Variants in DCT observed in about 807,000 individuals in gnomAD.
DCT encodes the protein L-dopachrome tautomerase.
Under a neutral mutation model 53.0 loss-of-function variants are expected in DCT, and 47 were observed. That is an observed-to-expected ratio of 0.89 (90% confidence interval 0.70 to 1.13). DCT has a LOEUF of 1.13. Among genes scored for constraint, DCT ranks in the 50% most tolerant of loss-of-function variants. DCT has a pLI of 0.00. For missense variants in DCT, 669 were observed against 637.4 expected (o/e 1.05, Z -0.53); for synonymous variants, 244 against 237.0 (o/e 1.03, Z -0.27).
In DCT at chr13:94,479,101, C is replaced by T. The variant is rs570044307; in HGVS notation, c.155G>A (p.Cys52Tyr). The T allele has an allele frequency of 6.2e-7, 1 of 1,614,248 alleles. No individual in the cohort carries two copies. The change falls in exon 1 of 8, where the codon TGT (cysteine) becomes TAT (tyrosine). Residue 52 changes from cysteine (C) to tyrosine (Y), a missense_variant. Physicochemically the swap from Cys to Tyr is radical, Grantham distance 194. Transcript: ENST00000377028. ...CTGCCCCCGGCCTTGCTGAGAGCCA[C>T]AGACATTGGCCGACTCTGCACCCAG... ...PRLGAESANVCGSQQGRGQCT... is the reference protein window; with the variant it reads ...PRLGAESANVYGSQQGRGQCT...
chr13:94,530,686 C>T, the DCT span, among the ~76,000 whole-genome samples: 1 of 149,478 alleles, frequency 6.7e-6, no homozygotes, highest in Non-Finnish European at 1.5e-5. Context: ...CAATATCATC[C>T]TGAATGGGCA....
chr13:94,484,436 C>T (rs1424592055), upstream of DCT, among the ~76,000 whole-genome samples: 1 of 152,232 alleles, frequency 6.6e-6, no homozygotes, highest in Non-Finnish European at 1.5e-5. Context: ...AGATGCCTCT[C>T]ATATCCCCAT....
In DCT at chr13:94,438,443, A is replaced by T. The variant is rs890825565; in HGVS notation, c.*1455T>A. ...TCTCTGGCTTTAGCAGTCCTTTTGC[A>T]TGGGGTAAACTGGTTCTTGATGAGT... On this transcript the variant is annotated 3_prime_UTR_variant, in exon 8 of 8. Transcript: ENST00000377028. 1 of 297,354 alleles carries T rather than the reference A, an allele frequency of 3.4e-6. No homozygotes were observed. Among genetic ancestry groups the T allele is most frequent in the East Asian group, 9.6e-5 (1 of 10,382 alleles). 18.4% of individuals were successfully genotyped at this position (297,354 alleles called of 1,614,324 possible).
the DCT span, among the ~76,000 whole-genome samples, chr13:94,534,329 G>C: frequency 6.6e-6 from 1 of 152,212 alleles, no homozygotes; most frequent in African/African-American, 2.4e-5. Context: ...AGGTCAAGTC[G>C]AATGGAATGT....
the DCT span, among the ~76,000 whole-genome samples, chr13:94,489,722 C>T: frequency 6.6e-6 from 1 of 151,582 alleles, no homozygotes. Flanking sequence ...ACTGAAAAAT[C>T]CTCTCCACTG....
chr13:94,528,050 T>C, the DCT span, among the ~76,000 whole-genome samples: 1 of 152,040 alleles, frequency 6.6e-6, no homozygotes, highest in Non-Finnish European at 1.5e-5. Context: ...TGATTGAATA[T>C]CAAATTAGTG....
intron 6 of DCT, among the ~76,000 whole-genome samples, chr13:94,455,528 A>G (rs941340373): frequency 3.3e-5 from 5 of 152,182 alleles, no homozygotes; most frequent in Admixed American, 3.3e-4. Context: ...TTTTGTAAAT[A>G]ACGTTTTATT....
At chr13:94,465,966 TTTTATA>T (rs1884167017) in intron 3 of DCT, among the ~76,000 whole-genome samples, 167 bp from the exon 4 acceptor site, 1 of 94,682 alleles carries the variant, frequency 1.1e-5, no homozygotes, top group African/African-American at 4.3e-5. Context: ...TGTGTGTATA[TTTTATA>T]TATATATATA....
chr13:94,470,696 C>G (rs900139406), intron 1 of DCT, among the ~76,000 whole-genome samples: 1 of 152,162 alleles, frequency 6.6e-6, no homozygotes, highest in Non-Finnish European at 1.5e-5. Flanking sequence ...CTCACTGTCT[C>G]CCTAAATTCC....
At chr13:94,450,646 C>T (rs1305412269) in intron 6 of DCT, among the ~76,000 whole-genome samples, 1 of 152,170 alleles carries the variant, frequency 6.6e-6, no homozygotes, top group Non-Finnish European at 1.5e-5. Flanking sequence ...GCTTCTTCTT[C>T]AAGAATTAAA....
chr13:94,495,518 T>G, the DCT span, among the ~76,000 whole-genome samples: 1 of 152,172 alleles, frequency 6.6e-6, no homozygotes, highest in Non-Finnish European at 1.5e-5. Flanking sequence ...AAGCCAAAAC[T>G]TCAAATAAAA....
intron 1 of DCT, among the ~76,000 whole-genome samples, chr13:94,470,800 C>T (rs1315248613): frequency 6.6e-6 from 1 of 152,196 alleles, no homozygotes; most frequent in Non-Finnish European, 1.5e-5. Context: ...GGGTCAGTTA[C>T]TTCCTTGCAC....
intron 1 of DCT, among the ~76,000 whole-genome samples, chr13:94,474,913 A>G (rs1884975652): frequency 6.6e-6 from 1 of 152,194 alleles, no homozygotes; most frequent in Admixed American, 6.5e-5. Context: ...CCAAAGAATT[A>G]ACAACATTTG....
chr13:94,509,092 A>G, the DCT span, among the ~76,000 whole-genome samples: 2 of 152,172 alleles, frequency 1.3e-5, no homozygotes, highest in African/African-American at 2.4e-5. Context: ...GCTACCTATT[A>G]TGTTGAGTTG....
intron 2 of DCT, chr13:94,466,988 C>T (rs553410487): frequency 6.0e-6 from 1 of 167,404 alleles, no homozygotes; most frequent in African/African-American, 2.4e-5. Flanking sequence ...ATAGACTATC[C>T]AAAAGAATAG....
rs1292841483 is a variant in DCT at position 94,438,452 on chromosome 13, A to T, written c.*1446T>A. 1 of 327,772 alleles carries T rather than the reference A, an allele frequency of 3.1e-6. No homozygotes were observed. The highest frequency in any genetic ancestry group is 6.0e-6 in the Non-Finnish European group (1 of 165,944). The allele number at this position is 327,772 out of a possible 1,614,324, so 20.3% of individuals were successfully genotyped here. ...TTAGCAGTCCTTTTGCATGGGGTAAACTGGTTCTTGATGAGTCTTGCACCC... is the reference window on the plus strand; with the variant it reads ...TTAGCAGTCCTTTTGCATGGGGTAATCTGGTTCTTGATGAGTCTTGCACCC... On this transcript the variant is annotated 3_prime_UTR_variant, in exon 8 of 8. Transcript: ENST00000377028.
At position 94,444,549 on chromosome 13, in the gene DCT, A is replaced by T. The variant is rs559187966; in HGVS notation, c.1180-912T>A. ...TTGAAATATTAACAGCAAAATTTCC[A>T]CATTGATAGCCCTGATTTTGTAACA... On this transcript the variant is annotated intron_variant, in intron 6 of 7. Coordinates refer to ENST00000377028, the MANE Select transcript of DCT (RefSeq NM_001922.5). 1.2e-4 allele frequency: 40 copies of T among 333,270 alleles called. 1 individual carries two copies. Among genetic ancestry groups the T allele is most frequent in the South Asian group, 9.8e-4 (40 of 40,932 alleles). The allele number at this position is 333,270 out of a possible 1,614,324, so 20.6% of individuals were successfully genotyped here.
At chr13:94,526,266 A>T in the DCT span, among the ~76,000 whole-genome samples, 61,416 of 152,132 alleles carry the variant, frequency 0.4, 13,138 homozygotes, top group East Asian at 0.62. Flanking sequence ...AGCTGCAGTG[A>T]TGAATAATGC....
upstream of DCT, among the ~76,000 whole-genome samples, chr13:94,482,236 A>G (rs1416460394): frequency 6.6e-6 from 1 of 152,126 alleles, no homozygotes; most frequent in Admixed American, 6.5e-5. Context: ...TTCTTTTTTA[A>G]TCATTTACCA....
Sources: allele counts gnomAD v4.1 joint callset (sites outside exome capture counted in the v4.1 genomes callset), GRCh38; gene constraint gnomAD v4.1.1; transcripts MANE v1.5; gene names NCBI Gene and HGNC (gene_info 2026-07-23, HGNC 2026-07-21).